Variants in SLC14A2 observed in about 807,000 individuals in gnomAD.
SLC14A2 encodes urea transporter 2.
Under a neutral mutation model 104.6 loss-of-function variants are expected in SLC14A2, and 91 were observed. The ratio of observed to expected loss-of-function variants is 0.87; its 90% CI spans 0.73 to 1.04. The LOEUF (loss-of-function observed/expected upper bound fraction) is 1.04. SLC14A2 is among the 50% of genes least tolerant of loss of function. SLC14A2 has a pLI of 0.00. For missense variants in SLC14A2, 1,189 were observed against 1,156.0 expected, an observed-to-expected ratio of 1.03 and a Z score of -0.41; for synonymous variants, 476 against 466.4, an observed-to-expected ratio of 1.02 and a Z score of -0.27.
At chr18:45,379,587 C>T (rs1313777754) in intron 1 of SLC14A2, among the ~76,000 whole-genome samples, 4 of 152,174 alleles carry the variant, frequency 2.6e-5, no homozygotes, top group African/African-American at 4.8e-5. Flanking sequence ...GGGTGAAATA[C>T]CTTTAAAATG....
At chr18:45,206,066 C>A in the SLC14A2 span, among the ~76,000 whole-genome samples, 1 of 152,178 alleles carries the variant, frequency 6.6e-6, no homozygotes, top group South Asian at 2.1e-4. Flanking sequence ...AATAGAGGAG[C>A]AAAGTGTGTT....
intron 1 of SLC14A2, among the ~76,000 whole-genome samples, chr18:45,382,371 G>A (rs780085476): frequency 2.6e-5 from 4 of 152,258 alleles, no homozygotes; most frequent in South Asian, 2.1e-4. Context: ...AATCTATTGA[G>A]CAGTATAATG....
chr18:45,416,828 A>G (rs909649116), intron 1 of SLC14A2, among the ~76,000 whole-genome samples: 1 of 152,164 alleles, frequency 6.6e-6, no homozygotes, highest in Non-Finnish European at 1.5e-5. Context: ...ATTTGAATAT[A>G]TTTTATTAGG....
At chr18:45,584,363 G>C (rs1444890308) in intron 2 of SLC14A2, among the ~76,000 whole-genome samples, 1 of 152,168 alleles carries the variant, frequency 6.6e-6, no homozygotes. Context: ...TGCTCCATCA[G>C]GATCCTACGC....
the SLC14A2 span, among the ~76,000 whole-genome samples, chr18:45,175,552 T>TCA: frequency 1.3e-5 from 2 of 152,144 alleles, no homozygotes; most frequent in African/African-American, 4.8e-5. Context: ...CTTTTGTGAC[T>TCA]TATGAGTGGA....
chr18:45,654,144 G>GGT lies in SLC14A2; in HGVS notation c.1352-9641_1352-9640insGT, dbSNP rs150572810. Among the ~76,000 whole-genome samples, 113 of 151,424 alleles carry GGT rather than the reference G, an allele frequency of 7.5e-4. 1 individual carries two copies. The highest frequency in any genetic ancestry group is 2.2e-3 in the Admixed American group (34 of 15,228). ...GTCTTTTGGCAGGAATGCTGGGGGGGACGTGGGTGAGCTGCAGAAGGGGCA... is the reference window on the plus strand; with the variant it reads ...GTCTTTTGGCAGGAATGCTGGGGGGGGTACGTGGGTGAGCTGCAGAAGGGGCA... On this transcript the variant is annotated intron_variant, in intron 10 of 19. Coordinates refer to ENST00000255226, the MANE Select transcript of SLC14A2 (RefSeq NM_007163.4).
chr18:45,388,423 C>T (rs1440352960), intron 1 of SLC14A2, among the ~76,000 whole-genome samples: 1 of 152,066 alleles, frequency 6.6e-6, no homozygotes, highest in Non-Finnish European at 1.5e-5. Context: ...GGCTGGAAAA[C>T]AATTTCACTC....
chr18:45,212,891 G>A (rs1050523194), upstream of SLC14A2: 1 of 152,302 alleles, frequency 6.6e-6, no homozygotes, highest in African/African-American at 2.4e-5. Flanking sequence ...CAGTACCCAC[G>A]TATGCCATAG....
intron 1 of SLC14A2, among the ~76,000 whole-genome samples, chr18:45,246,503 G>A (rs1201852597): frequency 6.6e-6 from 1 of 152,132 alleles, no homozygotes; most frequent in Non-Finnish European, 1.5e-5. Flanking sequence ...AATTTAAACT[G>A]TCTTTTCATA....
chr18:45,395,929 C>T (rs1479404099), intron 1 of SLC14A2, among the ~76,000 whole-genome samples: 2 of 152,150 alleles, frequency 1.3e-5, no homozygotes, highest in Non-Finnish European at 2.9e-5. Context: ...TAGCACTGAA[C>T]ACATCGTTTC....
rs34156739 is a variant in SLC14A2, at chr18:45,299,480, G to A, written c.-125+86289G>A. 6.7e-3 allele frequency among the ~76,000 whole-genome samples: 1,018 copies of A among 151,876 alleles called. 7 individuals are homozygous for A. Among genetic ancestry groups the A allele is most frequent in the African/African-American group, 0.022 (896 of 41,424 alleles). ...TTTGTTTTTGTTTTTTTATTTTTTC[G>A]AGATGGAGTCTTTCTTTGTCACCCA... On this transcript the variant is annotated intron_variant, in intron 1 of 20. Coordinates refer to the SLC14A2 transcript ENST00000586448.
At chr18:45,520,380 G>T (rs1258992026) in intron 2 of SLC14A2, among the ~76,000 whole-genome samples, 1 of 152,130 alleles carries the variant, frequency 6.6e-6, no homozygotes, top group Admixed American at 6.5e-5. Flanking sequence ...GATAATGGGT[G>T]GTGCAGGCTG....
At chr18:45,354,818 AC>A (rs1242382383) in intron 1 of SLC14A2, among the ~76,000 whole-genome samples, 1 of 152,106 alleles carries the variant, frequency 6.6e-6, no homozygotes, top group Non-Finnish European at 1.5e-5. Flanking sequence ...AAGTGGCTCA[AC>A]CTCCAAATGA....
intron 1 of SLC14A2, among the ~76,000 whole-genome samples, chr18:45,277,680 C>G (rs550249023): frequency 1.3e-5 from 2 of 152,272 alleles, no homozygotes; most frequent in East Asian, 3.9e-4. Flanking sequence ...AAGTGTTGGG[C>G]TTACAGGCAT....
chr18:45,386,851 G>A (rs904369381), intron 1 of SLC14A2, among the ~76,000 whole-genome samples: 1 of 152,238 alleles, frequency 6.6e-6, no homozygotes, highest in African/African-American at 2.4e-5. Context: ...TTGTGAAGAT[G>A]ATGTTGATGA....
chr18:45,537,649 C>A (rs1379001231), intron 2 of SLC14A2, among the ~76,000 whole-genome samples: 3 of 152,142 alleles, frequency 2.0e-5, no homozygotes. Flanking sequence ...GAATTTTGTT[C>A]AGAGGAGTGT....
intron 1 of SLC14A2, among the ~76,000 whole-genome samples, chr18:45,279,969 G>A (rs771375648): frequency 9.2e-5 from 14 of 152,054 alleles, no homozygotes; most frequent in Non-Finnish European, 1.3e-4. Context: ...CTACTCACTC[G>A]GTGCCAGAAT....
At chr18:45,285,679 C>A (rs1227116348) in intron 1 of SLC14A2, among the ~76,000 whole-genome samples, 1 of 148,018 alleles carries the variant, frequency 6.8e-6, no homozygotes, top group Non-Finnish European at 1.5e-5. Flanking sequence ...CCCCCCTCGG[C>A]CTCCCAAAGT....
At chr18:45,681,850 C>A (rs1429922856) in intron 19 of SLC14A2, among the ~76,000 whole-genome samples, 1 of 152,184 alleles carries the variant, frequency 6.6e-6, no homozygotes, top group Non-Finnish European at 1.5e-5. Context: ...CTATAGGAAG[C>A]AGTGTTTGAG....
Sources: allele counts gnomAD v4.1 joint callset (sites outside exome capture counted in the v4.1 genomes callset), GRCh38; gene constraint gnomAD v4.1.1; transcripts MANE v1.5; gene names NCBI Gene and HGNC (gene_info 2026-07-23, HGNC 2026-07-21).